Variants in KIF7 observed in about 807,000 individuals in gnomAD.
KIF7 encodes kinesin family member 7, also known as kinesin-like protein KIF7.
KIF7 carries 104 observed loss-of-function variants against 135.7 expected under a neutral mutation model. The ratio of observed to expected loss-of-function variants is 0.77; its 90% CI spans 0.65 to 0.90. The LOEUF is 0.90. KIF7 is among the 40% of genes least tolerant of loss of function. The pLI, the probability that KIF7 is intolerant of heterozygous loss-of-function variation, is 0.00. For missense variants in KIF7, 2,005 were observed against 1,839.1 expected (o/e 1.09, Z -1.65); for synonymous variants, 883 against 809.4 (o/e 1.09, Z -1.54).
rs983384787 is a variant in KIF7 at position 89,630,457 on chromosome 15, C to T, written c.3148G>A (p.Glu1050Lys). 5 of 1,569,952 alleles carry T rather than the reference C, an allele frequency of 3.2e-6. No individual in the cohort carries two copies. The highest frequency in any genetic ancestry group is 4.3e-6 in the Non-Finnish European group (5 of 1,157,228). The change falls in exon 16 of 19, where the codon GAG becomes AAG. Residue 1050 changes from glutamate (E) to lysine (K), a missense_variant. Glu to Lys is a moderately conservative substitution (Grantham distance 56). Coordinates refer to ENST00000394412, the MANE Select transcript of KIF7 (RefSeq NM_198525.3). ...RTLFQLDEAI[E>K]ALDAAIEYKN... ...TACTCAATGGCAGCATCCAGGGCCT[C>T]GATGGCCTCATCCAACTGGAACAGC...
intron 1 of KIF7, among the ~76,000 whole-genome samples, chr15:89,622,343 T>C (rs1167784425): frequency 6.6e-6 from 1 of 152,104 alleles, no homozygotes; most frequent in Non-Finnish European, 1.5e-5. Flanking sequence ...CCTACCCTAG[T>C]TCAGGTCTAC....
chr15:89,659,848 T>G (rs966620230), upstream of KIF7, among the ~76,000 whole-genome samples: 1 of 152,224 alleles, frequency 6.6e-6, no homozygotes, highest in African/African-American at 2.4e-5. Flanking sequence ...CTTAGTCATA[T>G]TCCCTGAGAA....
At chr15:89,625,479 C>A, downstream of KIF7, 4 of 1,613,910 alleles carry the variant, frequency 2.5e-6, no homozygotes, top group Non-Finnish European at 2.5e-6. Context: ...GCAAGGACCA[C>A]GGCCTTGAAC....
upstream of KIF7, among the ~76,000 whole-genome samples, chr15:89,655,894 G>C (rs1431006532): frequency 6.6e-6 from 1 of 152,120 alleles, no homozygotes; most frequent in Non-Finnish European, 1.5e-5. Flanking sequence ...TACACTCATT[G>C]TCAAGGGAAA....
rs202229910 is a variant in KIF7 at position 89,631,689 on chromosome 15, G to C, written c.2917C>G (p.Arg973Gly). The C allele has an allele frequency of 6.7e-5, 104 of 1,555,632 alleles. No individual in the cohort carries two copies. In the African/African-American group the frequency reaches 1.1e-3, roughly 16 times the overall value. ...SSQALNEDIV[R>G]VSSRLEHLEK... ...AGGTGCTCCAGCCGGCTGGACACTC[G>C]CACGATGTCCTCGTTGAGGGCCTGG... is the stretch of plus-strand genomic sequence containing the variant. Residue 973 changes from arginine to glycine, a missense_variant, in exon 15 of 19, where the codon CGA becomes GGA. Coordinates refer to ENST00000394412, the MANE Select transcript of KIF7 (RefSeq NM_198525.3).
intron 11 of KIF7, 78 bp from the exon 12 acceptor site, chr15:89,633,961 G>A: frequency 6.5e-7 from 1 of 1,530,446 alleles, no homozygotes; most frequent in Non-Finnish European, 9.0e-7. Context: ...CTCAACAAGG[G>A]CAGGCAGATA....
At chr15:89,640,765 C>T (rs1963903265) in intron 11 of KIF7, among the ~76,000 whole-genome samples, 1 of 150,936 alleles carries the variant, frequency 6.6e-6, no homozygotes, top group Non-Finnish European at 1.5e-5. Context: ...ATAAGTGGAT[C>T]ACCTGAGGTC....
chr15:89,661,059 A>G, the KIF7 span, among the ~76,000 whole-genome samples: 1 of 152,130 alleles, frequency 6.6e-6, no homozygotes, highest in South Asian at 2.1e-4. Flanking sequence ...AAATAAATGC[A>G]TGTTGTTGTA....
intron 8 of KIF7, among the ~76,000 whole-genome samples, 159 bp downstream of exon 8, chr15:89,645,734 C>T (rs533698338): frequency 1.4e-4 from 22 of 152,246 alleles, no homozygotes; most frequent in African/African-American, 5.3e-4. Flanking sequence ...CAGTGCCCCA[C>T]AGCTCTCCCC....
At chr15:89,630,846 A>G (rs909201587) in intron 15 of KIF7, 12 of 406,892 alleles carry the variant, frequency 2.9e-5, no homozygotes, top group Non-Finnish European at 5.1e-5. Flanking sequence ...ACGTTCTAAG[A>G]AATGCATCAT....
downstream of KIF7, chr15:89,625,399 G>A (rs762543263): frequency 3.8e-5 from 61 of 1,613,796 alleles, no homozygotes; most frequent in Non-Finnish European, 4.9e-5. Context: ...CTGTGGCGCC[G>A]GCTCCTCTTC....
chr15:89,635,898 G>A (rs1158463486), intron 11 of KIF7, among the ~76,000 whole-genome samples: 2 of 151,858 alleles, frequency 1.3e-5, no homozygotes, highest in Non-Finnish European at 2.9e-5. Context: ...AAGTTGAAAT[G>A]AAGGAAAAAA....
At chr15:89,620,621 G>GTTC (rs1963407881) in intron 1 of KIF7, among the ~76,000 whole-genome samples, 1 of 150,876 alleles carries the variant, frequency 6.6e-6, no homozygotes, top group Admixed American at 6.6e-5. Flanking sequence ...AGCAGTTGTT[G>GTTC]TAGTTGCTGA....
intron 11 of KIF7, among the ~76,000 whole-genome samples, chr15:89,640,019 A>G (rs1436500701): frequency 6.6e-6 from 1 of 152,188 alleles, no homozygotes; most frequent in African/African-American, 2.4e-5. Context: ...GGAAATCATC[A>G]TTCTCAGTAA....
At chr15:89,649,614 C>G (rs866550744) in intron 3 of KIF7, 127 bp downstream of exon 3, 2 of 1,157,762 alleles carry the variant, frequency 1.7e-6, no homozygotes, top group Middle Eastern at 2.3e-4. Context: ...GAAGCTAAAG[C>G]AAAACCTCCC....
intron 14 of KIF7, among the ~76,000 whole-genome samples, 182 bp from the exon 15 acceptor site, chr15:89,631,892 G>A (rs1183867719): frequency 7.9e-5 from 12 of 152,216 alleles, no homozygotes; most frequent in Non-Finnish European, 1.6e-4. Flanking sequence ...GGGCTAAAGG[G>A]ACCAGAGCAT....
intron 11 of KIF7, among the ~76,000 whole-genome samples, chr15:89,641,833 C>T (rs62024663): frequency 0.024 from 3,604 of 152,040 alleles, 69 homozygotes; most frequent in South Asian, 0.035. Flanking sequence ...ATGGGTTTGA[C>T]GGACACATGG....
At chr15:89,632,290 T>C (rs1311431706) in intron 14 of KIF7, among the ~76,000 whole-genome samples, 4 of 152,194 alleles carry the variant, frequency 2.6e-5, no homozygotes, top group African/African-American at 4.8e-5. Flanking sequence ...ATGGTAACAT[T>C]ATGATCCCAT....
rs536645226 is a variant in KIF7 at position 89,648,671 on chromosome 15, C to T, written c.1027G>A (p.Ala343Thr). The change falls in exon 5 of 19, where the codon GCC (alanine) becomes ACC (threonine). Residue 343 changes from alanine to threonine, a missense_variant. Physicochemically the swap from Ala to Thr is moderately conservative, Grantham distance 58 (BLOSUM62 0). Coordinates refer to ENST00000394412, the MANE Select transcript of KIF7 (RefSeq NM_198525.3). ...TTGCGGATGTTCTGGGCGCGGCTGG[C>T]GTAGTTGAGGGTGTTGAGGGTCTCG... ...FDETLNTLNY[A>T]SRAQNIRNRA... 6 of 1,535,580 alleles carry T rather than the reference C, an allele frequency of 3.9e-6. No individual in the cohort carries two copies. The highest frequency in any genetic ancestry group is 4.9e-5 in the East Asian group (2 of 40,864).
Sources: allele counts gnomAD v4.1 joint callset (sites outside exome capture counted in the v4.1 genomes callset), GRCh38; gene constraint gnomAD v4.1.1; transcripts MANE v1.5; gene names NCBI Gene and HGNC (gene_info 2026-07-23, HGNC 2026-07-21).